Variants in SLC24A2 observed in about 807,000 individuals in gnomAD.
The protein encoded by SLC24A2 is solute carrier family 24 member 2, also known as sodium/potassium/calcium exchanger 2.
SLC24A2 carries 36 observed loss-of-function variants against 62.0 expected under a neutral mutation model. The observed-to-expected ratio is 0.58, with a 90% CI of 0.44 to 0.77. SLC24A2 has a LOEUF of 0.77. Among genes scored for constraint, SLC24A2 ranks in the 30% least tolerant of loss-of-function variants. The probability of loss-of-function intolerance (pLI) is 0.00; values close to 1 mark genes in which losing one functional copy is unlikely to be tolerated. For synonymous variants in SLC24A2, 358 were observed against 294.0 expected, an observed-to-expected ratio of 1.22 and a Z score of -2.23; for missense variants, 846 against 817.9, an observed-to-expected ratio of 1.03 and a Z score of -0.42.
chr9:20,254,005 A>G, the SLC24A2 span, among the ~76,000 whole-genome samples: 1 of 152,202 alleles, frequency 6.6e-6, no homozygotes, highest in African/African-American at 2.4e-5. Context: ...ATAAAGAGAT[A>G]AAAGCAAAGA....
At chr9:20,131,772 A>G in the SLC24A2 span, among the ~76,000 whole-genome samples, 1 of 152,258 alleles carries the variant, frequency 6.6e-6, no homozygotes, top group South Asian at 2.1e-4. Context: ...TAAGCAGATG[A>G]CAAGGCAGCA....
At chr9:20,022,693 C>G in the SLC24A2 span, among the ~76,000 whole-genome samples, 4 of 152,202 alleles carry the variant, frequency 2.6e-5, no homozygotes, top group African/African-American at 9.7e-5. Flanking sequence ...AGTGCAAGAA[C>G]ATGAGGGCAA....
chr9:20,132,815 T>C, the SLC24A2 span, among the ~76,000 whole-genome samples: 22,206 of 152,164 alleles, frequency 0.15, 2,324 homozygotes, highest in East Asian at 0.55. Flanking sequence ...TTATTCTGTT[T>C]TTAAAAATCT....
chr9:20,004,819 T>G, the SLC24A2 span, among the ~76,000 whole-genome samples: 1 of 152,278 alleles, frequency 6.6e-6, no homozygotes. Context: ...TGATTTTTTT[T>G]TTTCTTCCTT....
At chr9:19,932,799 G>A in the SLC24A2 span, among the ~76,000 whole-genome samples, 1 of 152,164 alleles carries the variant, frequency 6.6e-6, no homozygotes, top group Non-Finnish European at 1.5e-5. Flanking sequence ...TATAAGGCCT[G>A]GGACAAGCGT....
At chr9:19,600,519 T>C (rs1836814947) in intron 4 of SLC24A2, among the ~76,000 whole-genome samples, 1 of 152,136 alleles carries the variant, frequency 6.6e-6, no homozygotes, top group Admixed American at 6.5e-5. Flanking sequence ...CAGAGGGAGA[T>C]CTGAATATAA....
chr9:19,763,647 T>A (rs1171680851), intron 2 of SLC24A2, among the ~76,000 whole-genome samples: 3 of 152,216 alleles, frequency 2.0e-5, no homozygotes, highest in Non-Finnish European at 4.4e-5. Flanking sequence ...CAGTCTTGCA[T>A]CCCAGGGATG....
chr9:19,562,373 T>C (rs1325275585), intron 7 of SLC24A2, among the ~76,000 whole-genome samples: 1 of 152,212 alleles, frequency 6.6e-6, no homozygotes, highest in Non-Finnish European at 1.5e-5. Context: ...TAATGTATCT[T>C]ATGGGAACAA....
At chr9:20,127,729 G>A in the SLC24A2 span, among the ~76,000 whole-genome samples, 1 of 152,138 alleles carries the variant, frequency 6.6e-6, no homozygotes, top group African/African-American at 2.4e-5. Context: ...GAAGGTTAGG[G>A]AACAGTCATG....
At chr9:20,156,655 G>A in the SLC24A2 span, among the ~76,000 whole-genome samples, 1 of 151,650 alleles carries the variant, frequency 6.6e-6, no homozygotes, top group South Asian at 2.1e-4. Flanking sequence ...TTAAACAGTG[G>A]CATCCTACTG....
At chr9:20,071,087 T>A in the SLC24A2 span, among the ~76,000 whole-genome samples, 1 of 152,182 alleles carries the variant, frequency 6.6e-6, no homozygotes, top group African/African-American at 2.4e-5. Context: ...ATGTGAAGTA[T>A]CTCACTCCCT....
intron 2 of SLC24A2, among the ~76,000 whole-genome samples, chr9:19,678,259 CA>C (rs1388218697): frequency 1.4e-4 from 22 of 152,202 alleles, no homozygotes; most frequent in Non-Finnish European, 7.3e-5. Flanking sequence ...CTTTCCACTA[CA>C]CCACCCAACA....
chr9:20,279,766 G>T, the SLC24A2 span, among the ~76,000 whole-genome samples: 1 of 152,100 alleles, frequency 6.6e-6, no homozygotes, highest in African/African-American at 2.4e-5. Context: ...TTTTCCTTGG[G>T]TTACTGAACT....
rs1403906488 is a variant in SLC24A2, at chr9:19,648,893, G to GTTATTT, written c.931-26595_931-26594insAAATAA. The stretch of plus-strand genomic sequence containing the variant: ...AGAAAGCTAGAATAGGGAAGGAAAT[G>GTTATTT]ACTCAAAGTTATTTAATAAAGCTGA... On this transcript the variant is annotated intron_variant, in intron 2 of 10. Coordinates refer to ENST00000341998, the MANE Select transcript of SLC24A2 (RefSeq NM_020344.4). Among the ~76,000 whole-genome samples the GTTATTT allele has an allele frequency of 5.1e-4, 75 of 148,392 alleles. 1 individual carries two copies. Among genetic ancestry groups the GTTATTT allele is most frequent in the African/African-American group, 5.0e-4 (20 of 40,350 alleles).
intron 10 of SLC24A2, among the ~76,000 whole-genome samples, chr9:19,520,222 A>G (rs950257842): frequency 6.6e-6 from 1 of 152,216 alleles, no homozygotes; most frequent in African/African-American, 2.4e-5. Flanking sequence ...TTATTCTCTC[A>G]GGGTACTGAT....
chr9:19,851,029 T>TATATATATA, the SLC24A2 span, among the ~76,000 whole-genome samples: 1 of 91,824 alleles, frequency 1.1e-5, no homozygotes, highest in African/African-American at 4.5e-5. Flanking sequence ...ATATACATAT[T>TATATATATA]TTTTTTTTTT....
intron 2 of SLC24A2, among the ~76,000 whole-genome samples, chr9:19,667,089 G>T (rs1434932698): frequency 6.6e-6 from 1 of 151,978 alleles, no homozygotes. Context: ...GAAGTAACTC[G>T]ATTTTCTGGA....
At chr9:20,019,286 AGAAAGAAAGAAAGAAAGAAAGAAAG>A in the SLC24A2 span, among the ~76,000 whole-genome samples, 5 of 150,274 alleles carry the variant, frequency 3.3e-5, no homozygotes, top group African/African-American at 1.2e-4. Flanking sequence ...AAAGAAAGAA[AGAAAGAAAGAAAGAAAGAAAGAAAG>A]AAAGTGAGTG....
intron 7 of SLC24A2, among the ~76,000 whole-genome samples, chr9:19,570,281 A>C (rs976064500): frequency 2.0e-5 from 3 of 152,128 alleles, no homozygotes; most frequent in African/African-American, 7.2e-5. Context: ...TTTCCCTTTT[A>C]AGGTTTTACA....
Sources: allele counts gnomAD v4.1 joint callset (sites outside exome capture counted in the v4.1 genomes callset), GRCh38; gene constraint gnomAD v4.1.1; transcripts MANE v1.5; gene names NCBI Gene and HGNC (gene_info 2026-07-23, HGNC 2026-07-21).